The following RCAN1 variants were observed in gnomAD, a reference collection of about 807,000 sequenced individuals.
RCAN1 encodes the protein calcipressin-1.
Under a neutral mutation model 22.9 loss-of-function variants are expected in RCAN1, and 11 were observed. The ratio of observed to expected loss-of-function variants is 0.48; its 90% CI spans 0.30 to 0.79. The LOEUF (loss-of-function observed/expected upper bound fraction) is 0.79, where lower values mean the gene tolerates loss of function less well. Ranked by LOEUF, RCAN1 falls within the 30% of genes least tolerant of loss-of-function variation. The pLI, the probability that RCAN1 is intolerant of heterozygous loss-of-function variation, is 0.06. For missense variants in RCAN1, 291 were observed against 337.8 expected, an observed-to-expected ratio of 0.86 and a Z score of 1.09; for synonymous variants, 136 against 142.3, an observed-to-expected ratio of 0.96 and a Z score of 0.32.
intron 1 of RCAN1, among the ~76,000 whole-genome samples, chr21:34,572,898 G>T (rs1196404628): frequency 1.3e-5 from 2 of 152,118 alleles, no homozygotes; most frequent in African/African-American, 4.8e-5. Context: ...TAAACAACCA[G>T]ATCTCAAAAG....
At chr21:34,521,857 G>GA (rs1485067590) in intron 2 of RCAN1, 199 bp from the exon 3 acceptor site, 5 of 565,858 alleles carry the variant, frequency 8.8e-6, no homozygotes, top group Admixed American at 3.2e-5. Context: ...GCACAGATAG[G>GA]ATGACAGCCC....
intron 1 of RCAN1, among the ~76,000 whole-genome samples, chr21:34,612,605 G>T (rs529058075): frequency 1.3e-5 from 2 of 152,320 alleles, no homozygotes; most frequent in Admixed American, 6.5e-5. Context: ...TCCACTGCAG[G>T]GGCTCCCTTG....
chr21:34,529,382 A>G (rs1985251847), intron 1 of RCAN1, among the ~76,000 whole-genome samples: 1 of 152,220 alleles, frequency 6.6e-6, no homozygotes, highest in African/African-American at 2.4e-5. Context: ...TGGTTGGCCA[A>G]CAGGGCAAAG....
chr21:34,567,072 A>C (rs1987037951), intron 1 of RCAN1, among the ~76,000 whole-genome samples: 1 of 152,202 alleles, frequency 6.6e-6, no homozygotes, highest in African/African-American at 2.4e-5. Context: ...AACTTGATCA[A>C]TGGTACTGCT....
chr21:34,526,877 C>A, intron 1 of RCAN1: 2 of 1,453,000 alleles, frequency 1.4e-6, no homozygotes. Flanking sequence ...GCCCCCACTC[C>A]CTGGGGAAAA....
intron 1 of RCAN1, among the ~76,000 whole-genome samples, chr21:34,575,219 C>A (rs1987372483): frequency 6.6e-6 from 1 of 152,246 alleles, no homozygotes; most frequent in South Asian, 2.1e-4. Flanking sequence ...AGGATCCGAG[C>A]CTGCACAGTG....
At chr21:34,600,473 CAGAG>C (rs924458969) in intron 1 of RCAN1, among the ~76,000 whole-genome samples, 3 of 151,744 alleles carry the variant, frequency 2.0e-5, no homozygotes, top group African/African-American at 7.3e-5. Flanking sequence ...TTCTAGGAAC[CAGAG>C]AGAGAAGGGA....
At chr21:34,533,523 C>T (rs9647161) in intron 1 of RCAN1, among the ~76,000 whole-genome samples, 55,154 of 151,780 alleles carry the variant, frequency 0.36, 11,092 homozygotes, top group African/African-American at 0.56. Context: ...TTCTGGTTCA[C>T]ATTCATTCAC....
intron 1 of RCAN1, among the ~76,000 whole-genome samples, chr21:34,584,541 A>T (rs1362776861): frequency 6.6e-6 from 1 of 152,130 alleles, no homozygotes; most frequent in Non-Finnish European, 1.5e-5. Flanking sequence ...TTCTTCCATC[A>T]CTGACTGCAG....
chr21:34,531,201 CCTTT>C (rs1371712640), intron 1 of RCAN1, among the ~76,000 whole-genome samples: 1 of 152,204 alleles, frequency 6.6e-6, no homozygotes, highest in Non-Finnish European at 1.5e-5. Flanking sequence ...ACATCAGTTG[CCTTT>C]CTATTTCCGA....
At chr21:34,542,243 G>C (rs961194014) in intron 1 of RCAN1, among the ~76,000 whole-genome samples, 2 of 152,192 alleles carry the variant, frequency 1.3e-5, no homozygotes, top group African/African-American at 4.8e-5. Flanking sequence ...GTTGGGAGAA[G>C]GAATGTATGT....
intron 2 of RCAN1, 86 bp from the exon 3 acceptor site, chr21:34,521,744 T>A: frequency 8.6e-7 from 1 of 1,157,820 alleles, no homozygotes; most frequent in Non-Finnish European, 1.2e-6. Context: ...TTCCGGGAGA[T>A]GGGCAGGTCA....
intron 1 of RCAN1, among the ~76,000 whole-genome samples, chr21:34,550,828 A>T (rs996806452): frequency 1.8e-4 from 27 of 152,352 alleles, no homozygotes; most frequent in African/African-American, 6.5e-4. Context: ...AAATGATGAG[A>T]CAGGAATGTA....
chr21:34,609,892 A>G (rs1988638104), intron 1 of RCAN1, among the ~76,000 whole-genome samples: 1 of 152,228 alleles, frequency 6.6e-6, no homozygotes, highest in Non-Finnish European at 1.5e-5. Context: ...AACTTCGCAC[A>G]TATGTAACAT....
chr21:34,540,332 C>T lies in RCAN1; in HGVS notation c.253-16622G>A, dbSNP rs551192135. Among the ~76,000 whole-genome samples the T allele has an allele frequency of 1.3e-4, 20 of 152,240 alleles. No individual in the cohort carries two copies. The South Asian group carries it at 3.3e-3, about 25-fold the overall frequency. ...AATTCTCTGCACAGGTGGGCTCTTCCGGGGCTGGGTGCTGCCTACGTATTG... is the reference window on the plus strand; with the variant it reads ...AATTCTCTGCACAGGTGGGCTCTTCTGGGGCTGGGTGCTGCCTACGTATTG... On this transcript the variant is annotated intron_variant, in intron 1 of 3. Coordinates refer to ENST00000313806, the MANE Select transcript of RCAN1 (RefSeq NM_004414.7).
chr21:34,576,188 TCCAACAAGTTCCTCCTTCTATTTC>T (rs1987406711), intron 1 of RCAN1, among the ~76,000 whole-genome samples: 1 of 152,234 alleles, frequency 6.6e-6, no homozygotes, highest in African/African-American at 2.4e-5. Flanking sequence ...TCCATAATTG[TCCAACAAGTTCCTCCTTCTATTTC>T]CCAATAAAAG....
chr21:34,541,693 G>C (rs1183325502), intron 1 of RCAN1, among the ~76,000 whole-genome samples: 1 of 152,218 alleles, frequency 6.6e-6, no homozygotes, highest in Non-Finnish European at 1.5e-5. Flanking sequence ...CCAGCACTTT[G>C]GGAGGCCGAG....
chr21:34,521,902 C>G, intron 2 of RCAN1: 2 of 502,216 alleles, frequency 4.0e-6, no homozygotes, highest in South Asian at 3.0e-5. Flanking sequence ...GGCACAGGGA[C>G]TGCAAATAAT....
intron 1 of RCAN1, among the ~76,000 whole-genome samples, chr21:34,582,138 G>A (rs1283952328): frequency 2.0e-5 from 3 of 152,070 alleles, no homozygotes; most frequent in Non-Finnish European, 2.9e-5. Flanking sequence ...TTGACACCAC[G>A]GACTCACTTG....
Sources: gnomAD v4.1 joint callset for allele counts (sites outside exome capture counted in the v4.1 genomes callset) on GRCh38, gnomAD v4.1.1 for gene constraint, MANE v1.5 for transcripts, NCBI Gene and HGNC (gene_info 2026-07-23, HGNC 2026-07-21) for gene names.